SPRR2G: variants seen among roughly 807,000 people sequenced by gnomAD.
SPRR2G encodes small proline rich protein 2G.
A neutral mutation model predicts 0.7 loss-of-function variants in SPRR2G; 1 was observed. That is an observed-to-expected ratio of 1.49 (90% CI 0.53 to 7.06). The LOEUF (loss-of-function observed/expected upper bound fraction) is 7.06. SPRR2G is among the 30% of genes most tolerant of loss of function. The pLI, the probability that SPRR2G is intolerant of heterozygous loss-of-function variation, is 0.14. For missense variants in SPRR2G, 96 were observed against 88.5 expected (o/e 1.09, Z -0.34); for synonymous variants, 38 against 33.9 (o/e 1.12, Z -0.42).
chr1:153,173,278 G>A, the SPRR2G span, among the ~76,000 whole-genome samples: 2 of 152,294 alleles, frequency 1.3e-5, no homozygotes, highest in East Asian at 3.9e-4. Context: ...AGAACCCCCA[G>A]GCTTGTGATA....
chr1:153,190,483 AC>A, the SPRR2G span: 2 of 152,416 alleles, frequency 1.3e-5, no homozygotes, highest in African/African-American at 4.8e-5. Flanking sequence ...CCAGGAGACA[AC>A]ATGGTTTAGA....
the SPRR2G span, among the ~76,000 whole-genome samples, chr1:153,175,479 G>A: frequency 6.9e-3 from 1,047 of 152,224 alleles, 6 homozygotes; most frequent in Non-Finnish European, 0.012. Flanking sequence ...TGCCAGGTTC[G>A]TTCTTCCCTC....
At chr1:153,168,349 T>C in the SPRR2G span, among the ~76,000 whole-genome samples, 1 of 152,204 alleles carries the variant, frequency 6.6e-6, no homozygotes, top group Admixed American at 6.5e-5. Flanking sequence ...TTACATCACA[T>C]AGAAGTATAT....
At chr1:153,195,474 G>A in the SPRR2G span, among the ~76,000 whole-genome samples, 1 of 152,058 alleles carries the variant, frequency 6.6e-6, no homozygotes, top group African/African-American at 2.4e-5. Flanking sequence ...TCTAACTGTT[G>A]CCTCCACCAC....
At chr1:153,164,449 A>G in the SPRR2G span, among the ~76,000 whole-genome samples, 1 of 152,224 alleles carries the variant, frequency 6.6e-6, no homozygotes, top group East Asian at 1.9e-4. Context: ...AGTAGTCTGA[A>G]GAGGAGAGGG....
At chr1:153,201,699 T>C in the SPRR2G span, among the ~76,000 whole-genome samples, 1 of 152,244 alleles carries the variant, frequency 6.6e-6, no homozygotes, top group African/African-American at 2.4e-5. Flanking sequence ...TTTAGGTTCA[T>C]TTGAGGTTTA....
chr1:153,151,015 A>G (rs1656457182), upstream of SPRR2G: 1 of 152,302 alleles, frequency 6.6e-6, no homozygotes, highest in African/African-American at 2.4e-5. Context: ...CCATGCTGGT[A>G]TCACAAAATT....
chr1:153,165,298 TA>T, the SPRR2G span, among the ~76,000 whole-genome samples: 1 of 152,036 alleles, frequency 6.6e-6, no homozygotes, highest in Non-Finnish European at 1.5e-5. Flanking sequence ...TATTCTAAGT[TA>T]AAAAAATCAA....
chr1:153,174,115 C>A, the SPRR2G span, among the ~76,000 whole-genome samples: 1 of 152,110 alleles, frequency 6.6e-6, no homozygotes, highest in African/African-American at 2.4e-5. Flanking sequence ...ATATGTAAGC[C>A]AACTATGAAC....
the SPRR2G span, among the ~76,000 whole-genome samples, chr1:153,187,416 C>T: frequency 6.6e-6 from 1 of 152,050 alleles, no homozygotes; most frequent in South Asian, 2.1e-4. Flanking sequence ...TCTTTTTTCT[C>T]TAATCTTGTC....
At chr1:153,186,392 G>T in the SPRR2G span, among the ~76,000 whole-genome samples, 1 of 152,150 alleles carries the variant, frequency 6.6e-6, no homozygotes, top group Non-Finnish European at 1.5e-5. Flanking sequence ...ATGAATCTGG[G>T]TGCTCCTGTA....
At chr1:153,162,729 T>C in the SPRR2G span, among the ~76,000 whole-genome samples, 2 of 152,182 alleles carry the variant, frequency 1.3e-5, no homozygotes, top group Non-Finnish European at 2.9e-5. Flanking sequence ...TCATATCAGA[T>C]GTTATGTCTT....
At chr1:153,202,195 C>T in the SPRR2G span, among the ~76,000 whole-genome samples, 1 of 152,166 alleles carries the variant, frequency 6.6e-6, no homozygotes, top group Non-Finnish European at 1.5e-5. Flanking sequence ...ATGTCACAGC[C>T]AAATTTCCAC....
chr1:153,168,185 A>G, the SPRR2G span, among the ~76,000 whole-genome samples: 1 of 152,244 alleles, frequency 6.6e-6, no homozygotes, highest in Admixed American at 6.5e-5. Flanking sequence ...TTGAAGCACC[A>G]TCAGTTCTGG....
chr1:153,152,166 G>A (rs1656484528), upstream of SPRR2G, among the ~76,000 whole-genome samples: 1 of 152,258 alleles, frequency 6.6e-6, no homozygotes, highest in South Asian at 2.1e-4. Context: ...AAATGTAGAA[G>A]AAATAAGAAT....
At chr1:153,196,034 C>T in the SPRR2G span, among the ~76,000 whole-genome samples, 1 of 152,188 alleles carries the variant, frequency 6.6e-6, no homozygotes, top group Admixed American at 6.5e-5. Flanking sequence ...CTTCCTTATC[C>T]TCTTTTTAAA....
the SPRR2G span, chr1:153,190,237 A>T: frequency 6.6e-6 from 1 of 152,274 alleles, no homozygotes; most frequent in Non-Finnish European, 1.5e-5. Context: ...TGTTAATACC[A>T]CTTATGCCAG....
At chr1:153,188,407 T>C in the SPRR2G span, among the ~76,000 whole-genome samples, 1 of 152,008 alleles carries the variant, frequency 6.6e-6, no homozygotes, top group Non-Finnish European at 1.5e-5. Context: ...CCCCACCCAG[T>C]GAGGAGGAAT....
chr1:153,166,319 G>T, the SPRR2G span, among the ~76,000 whole-genome samples: 1 of 152,258 alleles, frequency 6.6e-6, no homozygotes, highest in East Asian at 1.9e-4. Context: ...GGGAATGAAA[G>T]GTTTTTAATC....
Sources: allele counts gnomAD v4.1 joint callset (sites outside exome capture counted in the v4.1 genomes callset), GRCh38; gene constraint gnomAD v4.1.1; transcripts MANE v1.5; gene names NCBI Gene and HGNC (gene_info 2026-07-23, HGNC 2026-07-21).